The following MFSD8 variants were observed in gnomAD, a reference collection of about 807,000 sequenced individuals.
MFSD8 encodes the protein major facilitator superfamily domain-containing protein 8.
A neutral mutation model predicts 66.4 loss-of-function variants in MFSD8; 55 were observed. The ratio of observed to expected loss-of-function variants is 0.83; its 90% CI spans 0.67 to 1.04. The LOEUF is 1.04. Ranked by LOEUF, MFSD8 falls within the 50% of genes least tolerant of loss-of-function variation. MFSD8 has a pLI of 0.00. For missense variants in MFSD8, 550 were observed against 627.6 expected (o/e 0.88, Z 1.32); for synonymous variants, 202 against 212.8 (o/e 0.95, Z 0.44).
At chr4:127,951,047 G>C (rs1741861013) in intron 2 of MFSD8, among the ~76,000 whole-genome samples, 1 of 148,528 alleles carries the variant, frequency 6.7e-6, no homozygotes, top group Non-Finnish European at 1.5e-5. Context: ...GTGAGAGTGA[G>C]ACTCTGTCTC....
At chr4:127,936,233 C>T (rs569047287) in intron 7 of MFSD8, among the ~76,000 whole-genome samples, 5 of 152,164 alleles carry the variant, frequency 3.3e-5, no homozygotes, top group African/African-American at 9.6e-5. Flanking sequence ...CCTGCCTCAG[C>T]CTCATGAGTA....
chr4:127,951,765 T>C (rs547953213), intron 2 of MFSD8, among the ~76,000 whole-genome samples: 6 of 150,252 alleles, frequency 4.0e-5, no homozygotes, highest in Non-Finnish European at 5.9e-5. Context: ...AGTCTCGCTA[T>C]GTCACCAGGC....
chr4:127,924,986 T>C (rs949416021), intron 9 of MFSD8, among the ~76,000 whole-genome samples: 1 of 152,120 alleles, frequency 6.6e-6, no homozygotes, highest in Non-Finnish European at 1.5e-5. Context: ...AAACAAGCAA[T>C]AGGGAAAGGA....
chr4:127,921,999 A>T, intron 9 of MFSD8, 36 bp from the exon 10 acceptor site: 1 of 1,540,972 alleles, frequency 6.5e-7, no homozygotes, highest in African/African-American at 1.4e-5. Flanking sequence ...TTTTAAAATG[A>T]AACATTATAA....
chr4:127,923,511 C>T (rs1056298343), intron 9 of MFSD8, among the ~76,000 whole-genome samples: 18 of 150,510 alleles, frequency 1.2e-4, no homozygotes, highest in African/African-American at 4.4e-4. Context: ...TTTTGATGTG[C>T]TGCTGAATTC....
intron 1 of MFSD8, among the ~76,000 whole-genome samples, chr4:127,958,397 T>G (rs1348126432): frequency 2.0e-5 from 3 of 152,158 alleles, no homozygotes; most frequent in Non-Finnish European, 4.4e-5. Flanking sequence ...CTTCTTATGT[T>G]CCAAGATTAA....
intron 5 of MFSD8, among the ~76,000 whole-genome samples, chr4:127,940,583 T>C (rs1404659864): frequency 6.7e-6 from 1 of 149,038 alleles, no homozygotes; most frequent in Non-Finnish European, 1.5e-5. Context: ...CATAGTATTA[T>C]ATACAAGTAA....
upstream of MFSD8, chr4:127,965,383 C>A: frequency 1.7e-6 from 1 of 594,004 alleles, no homozygotes; most frequent in Non-Finnish European, 3.0e-6. Context: ...GACTGAGAGC[C>A]CAGGAGAGCT....
chr4:127,931,979 C>T (rs569313500), intron 8 of MFSD8, among the ~76,000 whole-genome samples: 11 of 152,144 alleles, frequency 7.2e-5, no homozygotes, highest in Middle Eastern at 3.4e-3. Context: ...AGCATGGTGG[C>T]GCATGCCTGT....
chr4:127,932,700 A>G, intron 8 of MFSD8: 1 of 271,982 alleles, frequency 3.7e-6, no homozygotes. Context: ...TCATGGCACT[A>G]AAGTTTTATA....
In MFSD8 at chr4:127,965,109, C is replaced by A. The variant is rs772629400; in HGVS notation, c.25G>T (p.Glu9Ter). The change falls in exon 1 of 12, where the codon GAA (glutamate) becomes TAA (stop). Residue 9 changes from glutamate to a stop codon, truncating the protein, a stop_gained. Transcript: ENST00000641686. LOFTEE classifies it high-confidence loss of function. ...GTGTCGCCTAAGAGCGGCTCCTGTT[C>A]ACTTTCGTTCCGCAGGCCGGCCATA... The part of the protein sequence containing the change: MAGLRNES[E>*]QEPLLGDTPG... 6.2e-7 allele frequency: 1 copy of A among 1,613,934 alleles called. No homozygotes were observed. The highest frequency in any genetic ancestry group is 1.7e-5 in the Admixed American group (1 of 60,016).
chr4:127,946,150 C>G (rs2148930238), intron 3 of MFSD8, among the ~76,000 whole-genome samples: 1 of 152,200 alleles, frequency 6.6e-6, no homozygotes, highest in Admixed American at 6.6e-5. Flanking sequence ...GTCTTGAACT[C>G]TTGGGCTCAA....
At chr4:127,954,095 A>G (rs1742478530) in intron 2 of MFSD8, among the ~76,000 whole-genome samples, 1 of 152,222 alleles carries the variant, frequency 6.6e-6, no homozygotes, top group Non-Finnish European at 1.5e-5. Flanking sequence ...TTTAAAAACT[A>G]TCACAATATT....
chr4:127,924,792 T>G (rs191228033), intron 9 of MFSD8, among the ~76,000 whole-genome samples: 4 of 152,260 alleles, frequency 2.6e-5, no homozygotes, highest in Admixed American at 6.5e-5. Flanking sequence ...AAGACAATCC[T>G]AAGCAAAAAG....
Position 127,921,917 on chromosome 4 carries a change from C to T in MFSD8, c.1045G>A (p.Val349Ile). The T allele has an allele frequency of 6.2e-7, 1 of 1,614,124 alleles. No homozygotes were observed. The highest frequency in any genetic ancestry group is 8.5e-7 in the Non-Finnish European group (1 of 1,180,022). ...ILLGGLIVVW[V>I]GFFILLPWGN... ...CAAGGTAACAAGATAAAGAAGCCAA[C>T]CCATACAACGATGAGTCCTCCCAGT... The change falls in exon 10 of 12, where the codon GTT becomes ATT. Residue 349 changes from valine (V) to isoleucine (I), a missense_variant. By Grantham distance (29) the Val-to-Ile change is conservative (BLOSUM62 3). Transcript: ENST00000641686.
In MFSD8 at chr4:127,919,576, A is replaced by T. The variant is rs1317453233; in HGVS notation, c.*1054T>A. The T allele has an allele frequency of 6.6e-6, 1 of 152,158 alleles. No individual in the cohort carries two copies. Among genetic ancestry groups the T allele is most frequent in the Non-Finnish European group, 1.5e-5 (1 of 68,020 alleles). The allele number at this position is 152,158 out of a possible 1,614,324, so 9.4% of individuals were successfully genotyped here. Reference sequence around the variant, plus strand: ...TAAACTCAGTAAATTGTTAGATTAAAGCCATTTTGCCTCAAATACTTATTA... The same window carrying T: ...TAAACTCAGTAAATTGTTAGATTAATGCCATTTTGCCTCAAATACTTATTA... On this transcript the variant is annotated 3_prime_UTR_variant, in exon 12 of 12. Transcript: ENST00000641686.
intron 6 of MFSD8, chr4:127,939,084 A>G (rs1485058362): frequency 3.2e-6 from 1 of 307,706 alleles, no homozygotes; most frequent in Non-Finnish European, 6.0e-6. Context: ...TACATGATCT[A>G]CTTTAGTATT....
At chr4:127,926,985 G>A (rs1418338359) in intron 9 of MFSD8, among the ~76,000 whole-genome samples, 2 of 152,098 alleles carry the variant, frequency 1.3e-5, no homozygotes, top group African/African-American at 4.8e-5. Context: ...TGATCACAAA[G>A]GTAAACATCC....
chr4:127,934,601 G>A (rs1279816509), intron 7 of MFSD8: 4 of 148,946 alleles, frequency 2.7e-5, no homozygotes, highest in Admixed American at 6.7e-5. Flanking sequence ...TGGCGGGGGG[G>A]ACGGAGTCTT....
Sources: allele counts gnomAD v4.1 joint callset (sites outside exome capture counted in the v4.1 genomes callset), GRCh38; gene constraint gnomAD v4.1.1; transcripts MANE v1.5; gene names NCBI Gene and HGNC (gene_info 2026-07-23, HGNC 2026-07-21).